TAFA1: variants seen among roughly 807,000 people sequenced by gnomAD.
TAFA1 encodes the protein chemokine-like protein TAFA-1.
In TAFA1, 4 loss-of-function variants were observed where a neutral mutation model predicts 18.5. The ratio of observed to expected loss-of-function variants is 0.22; its 90% CI spans 0.11 to 0.49. The LOEUF is 0.49. Ranked by LOEUF, TAFA1 falls within the 20% of genes least tolerant of loss-of-function variation. TAFA1 has a pLI of 0.98. For missense variants in TAFA1, 147 were observed against 169.0 expected (o/e 0.87, Z 0.72); for synonymous variants, 56 against 55.2 (o/e 1.01, Z -0.06).
At chr3:68,216,440 TA>T (rs1205208881) in intron 2 of TAFA1, among the ~76,000 whole-genome samples, 1 of 152,124 alleles carries the variant, frequency 6.6e-6, no homozygotes, top group Non-Finnish European at 1.5e-5. Context: ...CTGACTTTAG[TA>T]ATTTTGGAAA....
chr3:68,223,812 C>A (rs764532982), intron 2 of TAFA1, among the ~76,000 whole-genome samples: 14 of 152,094 alleles, frequency 9.2e-5, no homozygotes, highest in Non-Finnish European at 1.8e-4. Context: ...TATTAGCAAT[C>A]TTGGGCTGAA....
chr3:68,248,858 GTT>G (rs950255714), intron 2 of TAFA1, among the ~76,000 whole-genome samples: 1 of 152,060 alleles, frequency 6.6e-6, no homozygotes, highest in Non-Finnish European at 1.5e-5. Flanking sequence ...GGCAGTTGTA[GTT>G]TTCCTGTCCA....
chr3:68,060,269 T>G (rs920176588), intron 2 of TAFA1, among the ~76,000 whole-genome samples: 5 of 151,984 alleles, frequency 3.3e-5, no homozygotes, highest in African/African-American at 1.2e-4. Flanking sequence ...ACTTCCTAAA[T>G]TGCCAGTGCC....
chr3:68,361,620 T>C (rs1347578968), intron 2 of TAFA1, among the ~76,000 whole-genome samples: 1 of 150,220 alleles, frequency 6.7e-6, no homozygotes, highest in Non-Finnish European at 1.5e-5. Context: ...TAAAATATTT[T>C]GTATCACTAA....
Position 68,249,202 on chromosome 3 carries a change from A to T in TAFA1, c.119-168078A>T, listed in dbSNP as rs377052123. 5.1e-4 allele frequency among the ~76,000 whole-genome samples: 77 copies of T among 152,298 alleles called. 2 individuals are homozygous for T. In the East Asian group the frequency reaches 0.014, roughly 27 times the overall value. On this transcript the variant is annotated intron_variant, in intron 2 of 4. Transcript: ENST00000478136. Reference sequence around the variant, plus strand: ...CTCAGGTGACTAAAATAATCCAGGGAATAATCAGATGGAGGAATGTGGATG... The same window carrying T: ...CTCAGGTGACTAAAATAATCCAGGGTATAATCAGATGGAGGAATGTGGATG...
intron 2 of TAFA1, among the ~76,000 whole-genome samples, chr3:68,249,467 T>C (rs756094706): frequency 1.7e-4 from 26 of 152,142 alleles, no homozygotes; most frequent in Non-Finnish European, 3.1e-4. Flanking sequence ...AAATCACAAC[T>C]GTCAGGGCTT....
At chr3:68,436,056 A>G (rs7633887) in intron 3 of TAFA1, among the ~76,000 whole-genome samples, 29,157 of 152,176 alleles carry the variant, frequency 0.19, 3,008 homozygotes, top group Admixed American at 0.27. Flanking sequence ...TGAGAACCAA[A>G]GCTGTAGTGG....
intron 3 of TAFA1, among the ~76,000 whole-genome samples, chr3:68,420,964 T>C (rs1376078168): frequency 1.3e-5 from 2 of 152,196 alleles, no homozygotes; most frequent in Non-Finnish European, 2.9e-5. Flanking sequence ...AAAACCATGA[T>C]GGTTTCTCAT....
chr3:68,350,983 G>C (rs2069254962), intron 2 of TAFA1, among the ~76,000 whole-genome samples: 1 of 152,142 alleles, frequency 6.6e-6, no homozygotes, highest in African/African-American at 2.4e-5. Context: ...TGGAAGGACA[G>C]TATTCCCTCC....
At chr3:68,069,986 A>G (rs1411132143) in intron 2 of TAFA1, among the ~76,000 whole-genome samples, 1 of 152,128 alleles carries the variant, frequency 6.6e-6, no homozygotes, top group Non-Finnish European at 1.5e-5. Context: ...TTGAGTGTCT[A>G]TGGCTTTTCC....
chr3:68,039,442 C>A (rs934877836), intron 2 of TAFA1, among the ~76,000 whole-genome samples: 2 of 152,006 alleles, frequency 1.3e-5, no homozygotes, highest in Non-Finnish European at 2.9e-5. Context: ...CTTTTTAGGT[C>A]GTTTCTAGGC....
Position 68,409,115 on chromosome 3 carries a change from A to C in TAFA1, c.119-8165A>C, listed in dbSNP as rs142895797. Among the ~76,000 whole-genome samples the C allele has an allele frequency of 4.7e-3, 717 of 152,280 alleles. 8 individuals carry two copies. Among genetic ancestry groups the C allele is most frequent in the African/African-American group, 0.016 (654 of 41,562 alleles). On this transcript the variant is annotated intron_variant, in intron 2 of 4. Coordinates refer to ENST00000478136, the MANE Select transcript of TAFA1 (RefSeq NM_213609.4). Reference sequence around the variant, plus strand: ...TATGGTTCAGGAAGGCCACCACAGCAATACCCACACACATGTACATGTACA... The same window carrying C: ...TATGGTTCAGGAAGGCCACCACAGCCATACCCACACACATGTACATGTACA...
intron 2 of TAFA1, among the ~76,000 whole-genome samples, chr3:68,097,709 G>A (rs867871876): frequency 8.5e-5 from 13 of 152,222 alleles, no homozygotes; most frequent in South Asian, 6.2e-4. Flanking sequence ...GCGTGCCTGG[G>A]ACTTAGTGCT....
Position 68,041,419 on chromosome 3 carries a change from A to G in TAFA1, c.118+34675A>G, listed in dbSNP as rs181137876. Among the ~76,000 whole-genome samples, 244 of 152,360 alleles carry G rather than the reference A, an allele frequency of 1.6e-3. 1 individual carries two copies. Among genetic ancestry groups the G allele is most frequent in the Middle Eastern group, 3.4e-3 (1 of 294 alleles). On this transcript the variant is annotated intron_variant, in intron 2 of 4. Coordinates refer to ENST00000478136, the MANE Select transcript of TAFA1 (RefSeq NM_213609.4). ...CAATGGCAACATTCTTACTGAGAACATTATGCCAATCATATAGACTATTTC... is the reference window on the plus strand; with the variant it reads ...CAATGGCAACATTCTTACTGAGAACGTTATGCCAATCATATAGACTATTTC...
chr3:68,018,688 A>C (rs1704620081), intron 2 of TAFA1, among the ~76,000 whole-genome samples: 1 of 152,234 alleles, frequency 6.6e-6, no homozygotes, highest in Admixed American at 6.5e-5. Flanking sequence ...TTGCTAAATG[A>C]AGGAACGATC....
chr3:68,353,786 G>A (rs958226612), intron 2 of TAFA1, among the ~76,000 whole-genome samples: 7 of 152,094 alleles, frequency 4.6e-5, no homozygotes, highest in Admixed American at 2.0e-4. Context: ...GATGAACTCC[G>A]CAAGCAAAAT....
intron 3 of TAFA1, among the ~76,000 whole-genome samples, chr3:68,502,238 C>A (rs1164440111): frequency 6.6e-6 from 1 of 152,068 alleles, no homozygotes; most frequent in African/African-American, 2.4e-5. Context: ...GTTACTTAAT[C>A]TTCATAGCAA....
chr3:68,122,429 T>A (rs1318429590), intron 2 of TAFA1, among the ~76,000 whole-genome samples: 1 of 152,148 alleles, frequency 6.6e-6, no homozygotes, highest in African/African-American at 2.4e-5. Flanking sequence ...ATCACATGTG[T>A]TCTAGAGGAA....
chr3:68,323,037 T>A (rs2068719063), intron 2 of TAFA1, among the ~76,000 whole-genome samples: 1 of 152,210 alleles, frequency 6.6e-6, no homozygotes, highest in South Asian at 2.1e-4. Flanking sequence ...TTGTGGTCAA[T>A]AATCATAATC....
Sources: gnomAD v4.1 joint callset for allele counts (sites outside exome capture counted in the v4.1 genomes callset) on GRCh38, gnomAD v4.1.1 for gene constraint, MANE v1.5 for transcripts, NCBI Gene and HGNC (gene_info 2026-07-23, HGNC 2026-07-21) for gene names.